The following MSH5 variants were observed in gnomAD, a reference collection of about 807,000 sequenced individuals.
MSH5 encodes mutS homolog 5, also known as mutS protein homolog 5.
In MSH5, 78 loss-of-function variants were observed where a neutral mutation model predicts 107.7. The ratio of observed to expected loss-of-function variants is 0.72; its 90% confidence interval spans 0.60 to 0.87. MSH5 has a LOEUF of 0.87. Ranked by LOEUF, MSH5 falls within the 40% of genes least tolerant of loss-of-function variation. MSH5 has a pLI of 0.00. For missense variants in MSH5, 889 were observed against 1,046.6 expected, an observed-to-expected ratio of 0.85 and a Z score of 2.08; for synonymous variants, 326 against 399.5, an observed-to-expected ratio of 0.82 and a Z score of 2.19.
chr6:31,761,656 G>T lies in MSH5; in HGVS notation c.2181+41G>T. 6.2e-7 allele frequency: 1 copy of T among 1,613,788 alleles called. No homozygotes were observed. Among genetic ancestry groups the T allele is most frequent in the Non-Finnish European group, 8.5e-7 (1 of 1,180,004 alleles). ...TAGCTCCTCGGGGACCCCCAGGCTG[G>T]GCATTTCCCAGAGGTGGGGATTGGC... On this transcript the variant is annotated intron_variant, in intron 22 of 24. Coordinates refer to ENST00000375750, the MANE Select transcript of MSH5 (RefSeq NM_172166.4). The surrounding 1 kb of genome is among the most constrained non-coding windows in gnomAD (Gnocchi z 5.3).
Position 31,742,915 on chromosome 6 carries a change from G to A in MSH5, c.310G>A (p.Ala104Thr). ...CAATCCCCAGTCTGTTGTTACGAGT[G>A]CCAAACAGGATGAGAATATGACTCG... ...EINPQSVVTS[A>T]KQDENMTRFL... The change falls in exon 4 of 25, where the codon GCC becomes ACC. Residue 104 changes from alanine (A) to threonine (T), a missense_variant. By Grantham distance (58) the Ala-to-Thr change is moderately conservative. This residue lies in a region of MSH5 where 518 missense variants were observed against 565.0 expected (regional missense o/e 0.92). Transcript: ENST00000375750. The A allele has an allele frequency of 6.2e-7, 1 of 1,613,046 alleles. No individual in the cohort carries two copies. Among genetic ancestry groups the A allele is most frequent in the Non-Finnish European group, 8.5e-7 (1 of 1,180,034 alleles).
In MSH5 at chr6:31,761,146, C is replaced by T. The variant is rs935207304; in HGVS notation, c.1963-42C>T. On this transcript the variant is annotated intron_variant, in intron 20 of 24. Transcript: ENST00000375750. This position sits in a 1 kb window ranked among gnomAD's most constrained non-coding sequence, Gnocchi z 5.3. ...CCAACTGTGGTCAGTGCGTTACGGG[C>T]TTCCAATACTAACTTTCCCTTGTCC... The T allele has an allele frequency of 1.3e-6, 2 of 1,592,768 alleles. No homozygotes were observed. Among genetic ancestry groups the T allele is most frequent in the African/African-American group, 2.7e-5 (2 of 74,616 alleles).
At chr6:31,753,184 C>A in intron 10 of MSH5, 117 bp from the exon 11 acceptor site, 1 of 1,269,650 alleles carries the variant, frequency 7.9e-7, no homozygotes, top group Non-Finnish European at 1.1e-6. Context: ...ATTCCCATAG[C>A]ACATCGTGGA....
chr6:31,740,663 A>G lies in MSH5; in HGVS notation c.147+50A>G, dbSNP rs1370270512. Reference sequence around the variant, plus strand: ...AATGGAGAGTTGATGGGAAGTTAGAATAAAAGAGGGTTGGGAGCCGGGCGC... The same window carrying G: ...AATGGAGAGTTGATGGGAAGTTAGAGTAAAAGAGGGTTGGGAGCCGGGCGC... On this transcript the variant is annotated intron_variant, in intron 2 of 24. Coordinates refer to ENST00000375750, the MANE Select transcript of MSH5 (RefSeq NM_172166.4). This position sits in a 1 kb window ranked among gnomAD's most constrained non-coding sequence, Gnocchi z 4.4. The G allele has an allele frequency of 6.9e-7, 1 of 1,443,128 alleles. No individual in the cohort carries two copies. Among genetic ancestry groups the G allele is most frequent in the South Asian group, 1.5e-5 (1 of 68,894 alleles). The allele number at this position is 1,443,128 out of a possible 1,614,324, so 89.4% of individuals were successfully genotyped here.
intron 12 of MSH5, chr6:31,757,754 C>T (rs1439729267): frequency 4.2e-6 from 1 of 237,856 alleles, no homozygotes; most frequent in Non-Finnish European, 8.2e-6. Flanking sequence ...GCTATAACCT[C>T]CACCTCCCGG....
Position 31,740,725 on chromosome 6 carries a change from C to T in MSH5, c.147+112C>T. ...CCTGTAATCTTAGCACTTTGGGAGACTGAGGCGGGCGGATCACCTGAGCTC... is the reference window on the plus strand; with the variant it reads ...CCTGTAATCTTAGCACTTTGGGAGATTGAGGCGGGCGGATCACCTGAGCTC... On this transcript the variant is annotated intron_variant, in intron 2 of 24. Coordinates refer to ENST00000375750, the MANE Select transcript of MSH5 (RefSeq NM_172166.4). This position sits in a 1 kb window ranked among gnomAD's most constrained non-coding sequence, Gnocchi z 4.4. The T allele has an allele frequency of 8.2e-7, 1 of 1,225,624 alleles. No homozygotes were observed. The highest frequency in any genetic ancestry group is 1.8e-5 in the South Asian group (1 of 55,404). 75.9% of individuals were successfully genotyped at this position (1,225,624 alleles called of 1,614,324 possible).
intron 6 of MSH5, 65 bp from the exon 7 acceptor site, chr6:31,744,125 C>G (rs1451973629): frequency 6.3e-7 from 1 of 1,593,352 alleles, no homozygotes; most frequent in Non-Finnish European, 8.5e-7. Context: ...GTAACTTTCC[C>G]TGGTGCTCTG....
chr6:31,751,314 T>C (rs1809938106), intron 10 of MSH5, among the ~76,000 whole-genome samples: 1 of 152,062 alleles, frequency 6.6e-6, no homozygotes, highest in East Asian at 1.9e-4. Context: ...TTTTCATTTA[T>C]TAGGAAATAC....
Position 31,760,658 on chromosome 6 carries a change from A to G in MSH5, c.1813-32A>G. On this transcript the variant is annotated intron_variant, in intron 19 of 24. Transcript: ENST00000375750. The surrounding 1 kb of genome is among the most constrained non-coding windows in gnomAD (Gnocchi z 5.6). ...CACTTTCACCTCAGCCCACGGCACC[A>G]GGCCCCAGGCCCTGTCTCCTTCCCT... 1 of 1,612,410 alleles carries G rather than the reference A, an allele frequency of 6.2e-7. No homozygotes were observed. Among genetic ancestry groups the G allele is most frequent in the Non-Finnish European group, 8.5e-7 (1 of 1,180,000 alleles).
In MSH5 at chr6:31,759,933, G is replaced by T. The variant is rs773121271; in HGVS notation, c.1643G>T (p.Arg548Leu). Residue 548 changes from arginine to leucine, a missense_variant, in exon 18 of 25, where the codon CGT becomes CTT. Around this residue, in one of 3 missense-constraint regions of MSH5, gnomAD observed 362 missense variants for 456.2 expected, o/e 0.79. Transcript: ENST00000375750. This position sits in a 1 kb window ranked among gnomAD's most constrained non-coding sequence, Gnocchi z 4.7. ...CGGGACTATGGCTACTCAAGGCCGC[G>T]TTACTCCCCACAAGTCCTTGGGGTA... ...AARDYGYSRP[R>L]YSPQVLGVRI... The T allele has an allele frequency of 2.5e-6, 4 of 1,614,082 alleles. No homozygotes were observed. The highest frequency in any genetic ancestry group is 2.5e-6 in the Non-Finnish European group (3 of 1,180,028).
rs896761380 is a variant in MSH5, at chr6:31,758,367, A to G, written c.1143+74A>G. The G allele has an allele frequency of 4.4e-6, 7 of 1,592,940 alleles. No homozygotes were observed. Among genetic ancestry groups the G allele is most frequent in the Non-Finnish European group, 6.0e-6 (7 of 1,166,544 alleles). On this transcript the variant is annotated intron_variant, in intron 13 of 24. Transcript: ENST00000375750. The surrounding 1 kb of genome is among the most constrained non-coding windows in gnomAD (Gnocchi z 5.1). The stretch of plus-strand genomic sequence containing the variant: ...AATGCAGTGTGCAAGATGGGGAAAC[A>G]TGGAAGATATTGAGGTCAATTGGAT...
In MSH5 at chr6:31,761,859, C is replaced by G. The variant is rs1248622175; in HGVS notation, c.2223C>G (p.Phe741Leu). ...AGGATGGCAACGATCTTGTCTTCTT[C>G]TATCAGGTTTGCGAAGGTGTTGCGA... ...TCEDGNDLVF[F>L]YQVCEGVAKA... The change falls in exon 23 of 25, where the codon TTC (phenylalanine) becomes TTG (leucine). Residue 741 changes from phenylalanine (F) to leucine (L), a missense_variant. Phe to Leu is a conservative substitution (Grantham distance 22). Around this residue, in one of 3 missense-constraint regions of MSH5, gnomAD observed 362 missense variants for 456.2 expected, o/e 0.79. Coordinates refer to ENST00000375750, the MANE Select transcript of MSH5 (RefSeq NM_172166.4). The surrounding 1 kb of genome is among the most constrained non-coding windows in gnomAD (Gnocchi z 5.3). 1 of 1,613,098 alleles carries G rather than the reference C, an allele frequency of 6.2e-7. No individual in the cohort carries two copies. The highest frequency in any genetic ancestry group is 8.5e-7 in the Non-Finnish European group (1 of 1,180,020).
At chr6:31,750,951 C>T (rs544848245) in intron 10 of MSH5, among the ~76,000 whole-genome samples, 9 of 152,186 alleles carry the variant, frequency 5.9e-5, no homozygotes, top group African/African-American at 1.7e-4. Flanking sequence ...CAGGGATACC[C>T]GGAATTAGAC....
At position 31,753,341 on chromosome 6, in the gene MSH5, A is replaced by G. The variant is rs1312556857; in HGVS notation, c.853A>G (p.Ser285Gly). ...TRPTHDLGEL[S>G]SRLDVIQFFL... ...TCCGACTCATGACCTGGGGGAGCTCAGTTCTCGTCTGGACGTCATTCAGTT... is the reference window on the plus strand; with the variant it reads ...TCCGACTCATGACCTGGGGGAGCTCGGTTCTCGTCTGGACGTCATTCAGTT... The change falls in exon 11 of 25, where the codon AGT (serine) becomes GGT (glycine). Residue 285 changes from serine to glycine, a missense_variant. By Grantham distance (56) the Ser-to-Gly change is moderately conservative (BLOSUM62 0). Around this residue, in one of 3 missense-constraint regions of MSH5, gnomAD observed 518 missense variants for 565.0 expected, o/e 0.92. Coordinates refer to ENST00000375750, the MANE Select transcript of MSH5 (RefSeq NM_172166.4). 3 of 1,613,978 alleles carry G rather than the reference A, an allele frequency of 1.9e-6. No homozygotes were observed. The highest frequency in any genetic ancestry group is 2.5e-6 in the Non-Finnish European group (3 of 1,179,972).
At chr6:31,743,834 T>A in intron 5 of MSH5, 70 bp from the exon 6 acceptor site, 3 of 1,581,278 alleles carry the variant, frequency 1.9e-6, no homozygotes, top group Non-Finnish European at 2.6e-6. Flanking sequence ...GCTTCTATTG[T>A]CTCATTCTTA....
At position 31,760,626 on chromosome 6, in the gene MSH5, T is replaced by C; in HGVS notation, c.1813-64T>C. On this transcript the variant is annotated intron_variant, in intron 19 of 24. Transcript: ENST00000375750. The surrounding 1 kb of genome is among the most constrained non-coding windows in gnomAD (Gnocchi z 5.6). ...TCTCTTTGATGTGCCATTCATGCCTTGAGCCTCACTTTCACCTCAGCCCAC... is the reference window on the plus strand; with the variant it reads ...TCTCTTTGATGTGCCATTCATGCCTCGAGCCTCACTTTCACCTCAGCCCAC... The C allele has an allele frequency of 6.2e-7, 1 of 1,604,188 alleles. No homozygotes were observed. The highest frequency in any genetic ancestry group is 8.5e-7 in the Non-Finnish European group (1 of 1,173,456).
intron 6 of MSH5, 80 bp from the exon 7 acceptor site, chr6:31,744,110 A>C: frequency 6.3e-7 from 1 of 1,595,962 alleles, no homozygotes; most frequent in Non-Finnish European, 8.5e-7. Flanking sequence ...TAGCCCTGGA[A>C]AATAGTAACT....
rs769052945 is a variant in MSH5, at chr6:31,742,976, A to G, written c.352+19A>G. ...AAGCTTGGTAAGGACTTGGTAAAGG[A>G]TAGAGGGAAAATGGGGAAGGACTAA... On this transcript the variant is annotated intron_variant, in intron 4 of 24. Coordinates refer to ENST00000375750, the MANE Select transcript of MSH5 (RefSeq NM_172166.4). 67 of 1,612,644 alleles carry G rather than the reference A, an allele frequency of 4.2e-5. No individual in the cohort carries two copies. Among genetic ancestry groups the G allele is most frequent in the Non-Finnish European group, 5.5e-5 (65 of 1,179,822 alleles).
In MSH5 at chr6:31,761,290, A is replaced by T; in HGVS notation, c.2037+28A>T. 6.2e-7 allele frequency: 1 copy of T among 1,612,384 alleles called. No individual in the cohort carries two copies. The highest frequency in any genetic ancestry group is 8.5e-7 in the Non-Finnish European group (1 of 1,179,250). On this transcript the variant is annotated intron_variant, in intron 21 of 24. Coordinates refer to ENST00000375750, the MANE Select transcript of MSH5 (RefSeq NM_172166.4). This position sits in a 1 kb window ranked among gnomAD's most constrained non-coding sequence, Gnocchi z 5.3. ...GAGGGGAGAAACTGATGAGGGGAGA[A>T]ACTAAGGAGGGGAAAATGGAGGAGG...
Sources: allele counts gnomAD v4.1 joint callset (sites outside exome capture counted in the v4.1 genomes callset), GRCh38; gene constraint gnomAD v4.1.1; regional missense constraint gnomAD v4.1.1; non-coding constraint Gnocchi (gnomAD v3.1); transcripts MANE v1.5; gene names NCBI Gene and HGNC (gene_info 2026-07-23, HGNC 2026-07-21).